MMS19: variants seen among roughly 807,000 people sequenced by gnomAD.
The protein encoded by MMS19 is MMS19 cytosolic iron-sulfur assembly component.
In MMS19, 77 loss-of-function variants were observed where a neutral mutation model predicts 129.8. The ratio of observed to expected loss-of-function variants is 0.59; its 90% CI spans 0.49 to 0.72. MMS19 has a LOEUF of 0.72. Ranked by LOEUF, MMS19 falls within the 30% of genes least tolerant of loss-of-function variation. MMS19 has a pLI of 0.00. For synonymous variants in MMS19, 491 were observed against 502.8 expected (o/e 0.98, Z 0.31); for missense variants, 1,168 against 1,266.3 (o/e 0.92, Z 1.18).
In MMS19 at chr10:97,463,166, T is replaced by G. The variant is rs1335673048; in HGVS notation, c.1913-484A>C. 9.3e-5 allele frequency among the ~76,000 whole-genome samples: 14 copies of G among 150,270 alleles called. No homozygotes were observed. In the East Asian group the frequency reaches 2.1e-3, roughly 23 times the overall value. On this transcript the variant is annotated intron_variant, in intron 19 of 30. Transcript: ENST00000438925. ...TTACCAACTACCCTGTGAAACAGTT[T>G]TTTTTTTTTTTTTTTTTGAGACAGG...
chr10:97,494,558 C>G lies in MMS19; in HGVS notation c.112+3715G>C, dbSNP rs572263004. Among the ~76,000 whole-genome samples the G allele has an allele frequency of 2.6e-5, 4 of 152,266 alleles. No individual in the cohort carries two copies. The South Asian group carries it at 8.3e-4, about 32-fold the overall frequency. On this transcript the variant is annotated intron_variant, in intron 1 of 30. Transcript: ENST00000438925. ...AACTGTATTTTACTGTTCTTTAATA[C>G]TTTGACTTAAGGAATAGAGGTATTC... is the stretch of plus-strand genomic sequence containing the variant.
upstream of MMS19, chr10:97,498,538 G>A (rs1301816182): frequency 4.8e-5 from 51 of 1,067,878 alleles, no homozygotes; most frequent in East Asian, 2.1e-4. Context: ...GTTCCAGGGA[G>A]GGGCGGGGCC....
At position 97,470,847 on chromosome 10, in the gene MMS19, G is replaced by A. The variant is rs1401713785; in HGVS notation, c.699C>T (p.Pro233=). ...TGAGGTCTTCTCTCTGGATACCATG[G>A]GGATCATTAGGTGGCTGGAAAAGGG... The part of the protein sequence containing the change: ...PIDFTPPPND[P]HGIQREDLIL... The change falls in exon 9 of 31, where the codon CCC becomes CCT. Residue 233 remains proline, a synonymous_variant. Coordinates refer to ENST00000438925, the MANE Select transcript of MMS19 (RefSeq NM_022362.5). 5.0e-6 allele frequency: 8 copies of A among 1,613,608 alleles called. No individual in the cohort carries two copies. Among genetic ancestry groups the A allele is most frequent in the Middle Eastern group, 3.3e-4 (2 of 6,060 alleles).
At chr10:97,491,582 T>C (rs544925052) in intron 1 of MMS19, among the ~76,000 whole-genome samples, 75 of 152,342 alleles carry the variant, frequency 4.9e-4, no homozygotes, top group African/African-American at 1.6e-3. Context: ...GAAGAATTGC[T>C]TGAACCTGGG....
chr10:97,480,736 G>A (rs879752620), intron 3 of MMS19, among the ~76,000 whole-genome samples: 1 of 152,128 alleles, frequency 6.6e-6, no homozygotes, highest in Non-Finnish European at 1.5e-5. Flanking sequence ...ACCATGCCCA[G>A]CTAACGTTTT....
rs1178826508 is a variant in MMS19, at chr10:97,459,497, G to A, written c.2769C>T (p.Ser923=). Residue 923 remains serine, a synonymous_variant, in exon 28 of 31, where the codon TCC becomes TCT. Coordinates refer to ENST00000438925, the MANE Select transcript of MMS19 (RefSeq NM_022362.5). Reference sequence around the variant, plus strand: ...AGAGCTGCACCACACAGTCAGGGCAGGACAGGGCCTCCAGCAGCAAGGAAA... The same window carrying A: ...AGAGCTGCACCACACAGTCAGGGCAAGACAGGGCCTCCAGCAGCAAGGAAA... ...TLLSLLLEAL[S]CPDCVVQLST... 2 of 1,613,218 alleles carry A rather than the reference G, an allele frequency of 1.2e-6. No homozygotes were observed. The highest frequency in any genetic ancestry group is 1.3e-5 in the African/African-American group (1 of 74,910).
rs774804917 is a variant in MMS19, at chr10:97,478,337, C to T, written c.315G>A (p.Val105=). 68 of 1,604,662 alleles carry T rather than the reference C, an allele frequency of 4.2e-5. No individual in the cohort carries two copies. The highest frequency in any genetic ancestry group is 1.3e-5 in the African/African-American group (1 of 74,766). ...TCAAACCCTGCAGGACAGATGGGAT[C>T]ACAAGATGATGGTCCTTCAGCCGGT... ...YENRLKDHHL[V]IPSVLQGLKA... is the part of the protein sequence containing the mutation. Residue 105 remains valine (V), a synonymous_variant, in exon 4 of 31, where the codon GTG becomes GTA. Transcript: ENST00000438925.
At chr10:97,496,273 C>T (rs771771931) in intron 1 of MMS19, among the ~76,000 whole-genome samples, 2 of 152,064 alleles carry the variant, frequency 1.3e-5, no homozygotes, top group African/African-American at 2.4e-5. Context: ...CCCAGCACTT[C>T]GGGAAGCTGA....
intron 18 of MMS19, among the ~76,000 whole-genome samples, chr10:97,464,469 G>A (rs2032907549): frequency 2.6e-5 from 4 of 152,168 alleles, no homozygotes; most frequent in Admixed American, 2.6e-4. Context: ...GCAGGCTGCT[G>A]TCACTTTTGC....
chr10:97,465,661 T>A, intron 18 of MMS19, 144 bp downstream of exon 18: 1 of 787,412 alleles, frequency 1.3e-6, no homozygotes, highest in Non-Finnish European at 2.0e-6. Flanking sequence ...ACTGATTCAG[T>A]TGGACGCAGG....
intron 19 of MMS19, 174 bp from the exon 20 acceptor site, chr10:97,462,856 A>G: frequency 1.6e-6 from 1 of 624,864 alleles, no homozygotes; most frequent in Non-Finnish European, 2.9e-6. Context: ...CAGAAACAGG[A>G]GTGGTCTGAC....
chr10:97,483,408 G>C (rs2037250212), intron 2 of MMS19, among the ~76,000 whole-genome samples: 1 of 152,076 alleles, frequency 6.6e-6, no homozygotes, highest in Non-Finnish European at 1.5e-5. Flanking sequence ...TGAGCAGAAA[G>C]GTCAAATAGT....
In MMS19 at chr10:97,470,275, T is replaced by C. The variant is rs2034411852; in HGVS notation, c.772-72A>G. 3.8e-6 allele frequency: 4 copies of C among 1,040,820 alleles called. No homozygotes were observed. In the Admixed American group the frequency reaches 7.9e-5, roughly 21 times the overall value. 64.5% of individuals were successfully genotyped at this position (1,040,820 alleles called of 1,614,324 possible). On this transcript the variant is annotated intron_variant, in intron 9 of 30. Transcript: ENST00000438925. ...AGTCACATCAAGGTCAACCCTGTCC[T>C]TGCCATCAGTCCCTAAAAGCAGGTA...
rs1318445442 is a variant in MMS19, at chr10:97,462,573, T to C, written c.2012+10A>G. 4 of 1,605,792 alleles carry C rather than the reference T, an allele frequency of 2.5e-6. No homozygotes were observed. Among genetic ancestry groups the C allele is most frequent in the South Asian group, 2.2e-5 (2 of 90,876 alleles). On this transcript the variant is annotated intron_variant, in intron 20 of 30. Coordinates refer to ENST00000438925, the MANE Select transcript of MMS19 (RefSeq NM_022362.5). ...CCCTGGGTTCAAGCCACATCCATGA[T>C]TATACTTACTCAGGGCTCAGGTGGG...
intron 8 of MMS19, among the ~76,000 whole-genome samples, chr10:97,474,734 T>G (rs1230489339): frequency 6.6e-6 from 1 of 152,212 alleles, no homozygotes; most frequent in Non-Finnish European, 1.5e-5. Flanking sequence ...TCTGCTTGAA[T>G]GAGAGAAATC....
rs29001317 is a variant in MMS19, at chr10:97,466,129, G to T, written c.1536C>A (p.Thr512=). 1.2e-3 allele frequency: 1,957 copies of T among 1,583,996 alleles called. 22 individuals carry two copies. The African/African-American group carries it at 0.023, about 19-fold the overall frequency. The change falls in exon 17 of 31, where the codon ACC becomes ACA. Residue 512 remains threonine (T), a synonymous_variant. Coordinates refer to ENST00000438925, the MANE Select transcript of MMS19 (RefSeq NM_022362.5). ...CRVAALEASG[T]LAALYPVAFS... ...AGGCCACAGGGTAGAGAGCAGCCAG[G>T]GTTCCTGATGCTTCCAGTGCTGCCA... is the stretch of plus-strand genomic sequence containing the variant.
rs749456878 is a variant in MMS19, at chr10:97,477,334, CTCTG to C, written c.493+9_493+12del. 1 of 1,613,444 alleles carries C rather than the reference CTCTG, an allele frequency of 6.2e-7. No individual in the cohort carries two copies. Among genetic ancestry groups the C allele is most frequent in the Non-Finnish European group, 8.5e-7 (1 of 1,179,438 alleles). On this transcript the variant is annotated intron_variant, in intron 6 of 30. Coordinates refer to ENST00000438925, the MANE Select transcript of MMS19 (RefSeq NM_022362.5). Reference sequence around the variant, plus strand: ...CTTGCTTTTGACATTTCCCAGAAAGCTCTGTCTCTTACCTTCTTCCCGGGTTCGC... The same window carrying C: ...CTTGCTTTTGACATTTCCCAGAAAGCTCTCTTACCTTCTTCCCGGGTTCGC...
chr10:97,459,269 G>GCGATC lies in MMS19; in HGVS notation c.2913_2917dup (p.Ala973GlyfsTer26). The GCGATC allele has an allele frequency of 6.2e-7, 1 of 1,613,276 alleles. No homozygotes were observed. The highest frequency in any genetic ancestry group is 8.5e-7 in the Non-Finnish European group (1 of 1,179,580). On this transcript the variant is annotated frameshift_variant, in exon 29 of 31. Coordinates refer to ENST00000438925, the MANE Select transcript of MMS19 (RefSeq NM_022362.5). LOFTEE classifies it high-confidence loss of function. ...GAGAGCATGCATGCACTGCAGTGCG[G>GCGATC]CGATCCGGACAGCCTGGAACACAAC...
Position 97,484,133 on chromosome 10 carries a change from T to C in MMS19, c.131A>G (p.Tyr44Cys). 1 of 1,538,008 alleles carries C rather than the reference T, an allele frequency of 6.5e-7. No individual in the cohort carries two copies. Among genetic ancestry groups the C allele is most frequent in the Non-Finnish European group, 8.8e-7 (1 of 1,137,578 alleles). ...QVAADVKSGN[Y>C]TVLQVVEALG... The stretch of plus-strand genomic sequence containing the variant: ...GGCTTCCACAACTTGTAACACTGTA[T>C]AGTTGCCAGATTTCACATCTGCAGG... Residue 44 changes from tyrosine (Y) to cysteine (C), a missense_variant, in exon 2 of 31, where the codon TAT becomes TGT. Coordinates refer to ENST00000438925, the MANE Select transcript of MMS19 (RefSeq NM_022362.5).
Sources: gnomAD v4.1 joint callset for allele counts (sites outside exome capture counted in the v4.1 genomes callset) on GRCh38, gnomAD v4.1.1 for gene constraint, MANE v1.5 for transcripts, NCBI Gene and HGNC (gene_info 2026-07-23, HGNC 2026-07-21) for gene names.